Variants in ALOX5AP observed in about 807,000 individuals in gnomAD.
ALOX5AP encodes arachidonate 5-lipoxygenase-activating protein.
ALOX5AP carries 9 observed loss-of-function variants against 18.5 expected under a neutral mutation model. That is an observed-to-expected ratio of 0.49 (90% CI 0.29 to 0.85). The LOEUF (loss-of-function observed/expected upper bound fraction) is 0.85, where lower values mean the gene tolerates loss of function less well. ALOX5AP is among the 40% of genes least tolerant of loss of function. The pLI is 0.08. For missense variants in ALOX5AP, 172 were observed against 202.5 expected (o/e 0.85, Z 0.91); for synonymous variants, 81 against 78.6 (o/e 1.03, Z -0.16).
At chr13:30,738,519 C>T (rs1021298920) in intron 1 of ALOX5AP, among the ~76,000 whole-genome samples, 1 of 152,156 alleles carries the variant, frequency 6.6e-6, no homozygotes, top group Non-Finnish European at 1.5e-5. Context: ...AAATCTGTCT[C>T]CCCAGTTTGG....
chr13:30,755,909 G>C, intron 3 of ALOX5AP, 35 bp from the exon 4 acceptor site: 1 of 1,606,452 alleles, frequency 6.2e-7, no homozygotes, highest in Non-Finnish European at 8.5e-7. Context: ...TGGTGGCTAC[G>C]AAACTGACAC....
intron 2 of ALOX5AP, among the ~76,000 whole-genome samples, chr13:30,745,347 G>A (rs992623289): frequency 6.6e-6 from 1 of 152,156 alleles, no homozygotes; most frequent in African/African-American, 2.4e-5. Flanking sequence ...ACTCTCGAAC[G>A]CATTAGTACG....
intron 4 of ALOX5AP, among the ~76,000 whole-genome samples, chr13:30,758,306 C>T (rs1441599339): frequency 2.0e-5 from 3 of 152,214 alleles, no homozygotes; most frequent in South Asian, 4.1e-4. Context: ...CCTCCCCAGG[C>T]CTCTCTTCTG....
At chr13:30,716,740 C>T (rs1951553524) in intron 1 of ALOX5AP, among the ~76,000 whole-genome samples, 1 of 152,214 alleles carries the variant, frequency 6.6e-6, no homozygotes, top group South Asian at 2.1e-4. Flanking sequence ...CAAGGGGTTC[C>T]CCAAACCACC....
chr13:30,713,882 C>T lies in ALOX5AP; in HGVS notation c.116+41C>T, dbSNP rs891362578. Reference sequence around the variant, plus strand: ...CGCGCACACGCGCATGTGTGTGCATCTTCTACCATGCCTCCTACAAATTTG... The same window carrying T: ...CGCGCACACGCGCATGTGTGTGCATTTTCTACCATGCCTCCTACAAATTTG... On this transcript the variant is annotated intron_variant, in intron 1 of 5. Coordinates refer to the ALOX5AP transcript ENST00000617770. The T allele has an allele frequency of 7.2e-6, 11 of 1,520,184 alleles. No homozygotes were observed. In the Admixed American group the frequency reaches 2.2e-4, roughly 30 times the overall value. 94.2% of individuals were successfully genotyped at this position (1,520,184 alleles called of 1,614,324 possible). A position where few individuals can be genotyped will look rare whatever the true frequency, so the allele number is the denominator to read the frequency against.
At chr13:30,738,540 A>G (rs1951738176) in intron 1 of ALOX5AP, among the ~76,000 whole-genome samples, 1 of 152,204 alleles carries the variant, frequency 6.6e-6, no homozygotes, top group Non-Finnish European at 1.5e-5. Flanking sequence ...GGCTTAGGGC[A>G]AGTTTTAATT....
At chr13:30,743,864 G>A (rs1474850336) in intron 1 of ALOX5AP, among the ~76,000 whole-genome samples, 196 bp from the exon 2 acceptor site, 58 of 152,086 alleles carry the variant, frequency 3.8e-4, no homozygotes, top group Non-Finnish European at 1.5e-5. Flanking sequence ...TCATGACTGT[G>A]TTTCTAACAC....
upstream of ALOX5AP, among the ~76,000 whole-genome samples, chr13:30,733,679 G>A (rs541015001): frequency 8.5e-5 from 13 of 152,302 alleles, no homozygotes; most frequent in East Asian, 1.2e-3. Context: ...TGGAATCAGC[G>A]GACTAAGTAA....
At chr13:30,723,439 C>T (rs1951610349) in intron 1 of ALOX5AP, among the ~76,000 whole-genome samples, 1 of 152,120 alleles carries the variant, frequency 6.6e-6, no homozygotes, top group Non-Finnish European at 1.5e-5. Context: ...ATGAATGGTC[C>T]TATTACTTAA....
intron 4 of ALOX5AP, 86 bp from the exon 5 acceptor site, chr13:30,763,858 A>G (rs1593448629): frequency 7.8e-7 from 1 of 1,276,572 alleles, no homozygotes; most frequent in East Asian, 2.3e-5. Flanking sequence ...TAAACCCCAT[A>G]TATCTAAAAG....
At chr13:30,716,657 C>T (rs1054479061) in intron 1 of ALOX5AP, among the ~76,000 whole-genome samples, 22 of 152,156 alleles carry the variant, frequency 1.4e-4, no homozygotes, top group Admixed American at 1.4e-3. Flanking sequence ...GCCTGTGAAC[C>T]TTTAGCCAAC....
chr13:30,752,065 G>C lies in ALOX5AP; in HGVS notation c.184G>C (p.Asp62His). 6.2e-7 allele frequency: 1 copy of C among 1,614,192 alleles called. No homozygotes were observed. The highest frequency in any genetic ancestry group is 8.5e-7 in the Non-Finnish European group (1 of 1,180,020). ...TTTATTCTGCAGCCAGAACTGTGTAGATGCGTACCCCACTTTCCTCGCTGT... is the reference window on the plus strand; with the variant it reads ...TTTATTCTGCAGCCAGAACTGTGTACATGCGTACCCCACTTTCCTCGCTGT... Reference protein sequence around the residue: ...RVYTANQNCVDAYPTFLAVLW... With the variant: ...RVYTANQNCVHAYPTFLAVLW... The change falls in exon 3 of 5, where the codon GAT (aspartate) becomes CAT (histidine). Residue 62 changes from aspartate to histidine, a missense_variant. Physicochemically the swap from Asp to His is moderately conservative, Grantham distance 81. Transcript: ENST00000380490.
At chr13:30,714,735 C>T (rs1951536434) in intron 1 of ALOX5AP, among the ~76,000 whole-genome samples, 1 of 152,162 alleles carries the variant, frequency 6.6e-6, no homozygotes, top group African/African-American at 2.4e-5. Context: ...CATCTGTAGC[C>T]TCTGAGAAGG....
chr13:30,734,060 G>C (rs557454867), upstream of ALOX5AP, among the ~76,000 whole-genome samples: 16 of 152,336 alleles, frequency 1.1e-4, no homozygotes, highest in South Asian at 4.1e-4. Context: ...TGGTGTCCAT[G>C]AGCATGTGAA....
At position 30,751,688 on chromosome 13, in the gene ALOX5AP, C is replaced by G. The variant is rs536675384; in HGVS notation, c.171-364C>G. ...AGTTGGGCTCTTCTCCCCGACCACC[C>G]CCATGCCAGTGTGGCCACATCCTCT... On this transcript the variant is annotated intron_variant, in intron 2 of 4. Transcript: ENST00000380490. Among the ~76,000 whole-genome samples the G allele has an allele frequency of 8.5e-5, 13 of 152,340 alleles. No homozygotes were observed. The East Asian group carries it at 2.5e-3, about 29-fold the overall frequency.
intron 1 of ALOX5AP, among the ~76,000 whole-genome samples, chr13:30,739,062 T>C (rs1030423178): frequency 6.6e-6 from 1 of 152,072 alleles, no homozygotes; most frequent in African/African-American, 2.4e-5. Context: ...AGCAGGAATC[T>C]TCCTTACAGT....
At chr13:30,744,202 C>A in intron 2 of ALOX5AP, 43 bp downstream of exon 2, 3 of 1,564,168 alleles carry the variant, frequency 1.9e-6, no homozygotes, top group Non-Finnish European at 2.6e-6. Context: ...GGGGCATGGG[C>A]AGGGGGGCCT....
chr13:30,745,523 C>T (rs955964461), intron 2 of ALOX5AP, among the ~76,000 whole-genome samples: 1 of 152,206 alleles, frequency 6.6e-6, no homozygotes, highest in African/African-American at 2.4e-5. Context: ...GCACTTCTGT[C>T]CAGGGCTATT....
At chr13:30,751,627 T>C (rs1017288953) in intron 2 of ALOX5AP, among the ~76,000 whole-genome samples, 1 of 152,226 alleles carries the variant, frequency 6.6e-6, no homozygotes, top group Admixed American at 6.5e-5. Context: ...CTTGCAGACC[T>C]GGGCTGATTT....
Sources: allele counts gnomAD v4.1 joint callset (sites outside exome capture counted in the v4.1 genomes callset), GRCh38; gene constraint gnomAD v4.1.1; transcripts MANE v1.5; gene names NCBI Gene and HGNC (gene_info 2026-07-23, HGNC 2026-07-21).